ST6GALNAC3: variants seen among roughly 807,000 people sequenced by gnomAD.
ST6GALNAC3 encodes the protein alpha-N-acetylgalactosaminide alpha-2,6-sialyltransferase 3.
In ST6GALNAC3, 25 loss-of-function variants were observed where a neutral mutation model predicts 32.7. The observed-to-expected ratio is 0.76, with a 90% CI of 0.56 to 1.07. ST6GALNAC3 has a LOEUF of 1.07. Among genes scored for constraint, ST6GALNAC3 ranks in the 50% least tolerant of loss-of-function variants. The pLI, the probability that ST6GALNAC3 is intolerant of heterozygous loss-of-function variation, is 0.00. For synonymous variants in ST6GALNAC3, 129 were observed against 133.1 expected (o/e 0.97, Z 0.21); for missense variants, 355 against 382.4 (o/e 0.93, Z 0.60).
intron 1 of ST6GALNAC3, among the ~76,000 whole-genome samples, chr1:76,245,979 G>C (rs115615605): frequency 0.015 from 2,270 of 152,160 alleles, 60 homozygotes; most frequent in African/African-American, 0.053. Flanking sequence ...TTTCTGTGTT[G>C]TTGATCTGTC....
intron 3 of ST6GALNAC3, among the ~76,000 whole-genome samples, chr1:76,464,680 A>T (rs1055665543): frequency 1.3e-5 from 2 of 152,206 alleles, no homozygotes; most frequent in Non-Finnish European, 2.9e-5. Flanking sequence ...GCCTCTGTAT[A>T]TCAGGCATTC....
At chr1:76,478,863 T>C (rs139594051) in intron 3 of ST6GALNAC3, among the ~76,000 whole-genome samples, 3,727 of 148,784 alleles carry the variant, frequency 0.025, 88 homozygotes, top group Admixed American at 0.075. Flanking sequence ...CCTGGGTTCA[T>C]GCCATTCTCC....
At chr1:76,531,964 C>T (rs192981517) in intron 3 of ST6GALNAC3, among the ~76,000 whole-genome samples, 1 of 152,222 alleles carries the variant, frequency 6.6e-6, no homozygotes, top group East Asian at 1.9e-4. Context: ...AGAAACTAGC[C>T]AAACACAGCT....
chr1:76,076,965 C>T (rs1646824775), intron 1 of ST6GALNAC3, among the ~76,000 whole-genome samples: 1 of 148,028 alleles, frequency 6.8e-6, no homozygotes, highest in Non-Finnish European at 1.5e-5. Context: ...TTAAGATGGC[C>T]TAATACCATT....
At chr1:76,386,587 G>A (rs1652112075) in intron 2 of ST6GALNAC3, among the ~76,000 whole-genome samples, 1 of 152,016 alleles carries the variant, frequency 6.6e-6, no homozygotes, top group South Asian at 2.1e-4. Context: ...ACAGGGTAGG[G>A]GCTATTATCT....
intron 1 of ST6GALNAC3, among the ~76,000 whole-genome samples, chr1:76,088,807 A>T (rs1646999566): frequency 6.6e-6 from 1 of 152,230 alleles, no homozygotes; most frequent in Non-Finnish European, 1.5e-5. Flanking sequence ...TCAACAAAAG[A>T]ATGATTAAAT....
intron 3 of ST6GALNAC3, among the ~76,000 whole-genome samples, chr1:76,511,325 C>T (rs1351119746): frequency 6.6e-6 from 1 of 152,190 alleles, no homozygotes. Flanking sequence ...TTCTCTTTTC[C>T]ACCCACTCTC....
At chr1:76,088,143 T>A (rs1146665) in intron 1 of ST6GALNAC3, among the ~76,000 whole-genome samples, 34,622 of 152,100 alleles carry the variant, frequency 0.23, 4,222 homozygotes, top group Middle Eastern at 0.37. Context: ...ATTTTACAGG[T>A]AAGGAAACTG....
chr1:76,125,138 A>C (rs893403507), intron 1 of ST6GALNAC3, among the ~76,000 whole-genome samples: 1 of 152,186 alleles, frequency 6.6e-6, no homozygotes, highest in Admixed American at 6.5e-5. Context: ...CTTGCATTAC[A>C]TGTCTCTGGG....
chr1:76,147,064 C>CTTT (rs35731973), intron 1 of ST6GALNAC3, among the ~76,000 whole-genome samples: 6 of 136,350 alleles, frequency 4.4e-5, no homozygotes, highest in African/African-American at 5.4e-5. Flanking sequence ...CCCCCCACTT[C>CTTT]TTTTTTTTTT....
intron 4 of ST6GALNAC3, among the ~76,000 whole-genome samples, chr1:76,627,848 G>A (rs1245385040): frequency 6.6e-6 from 1 of 151,914 alleles, no homozygotes; most frequent in Non-Finnish European, 1.5e-5. Context: ...AAGTTTAGTG[G>A]TTGTGTAATT....
intron 1 of ST6GALNAC3, among the ~76,000 whole-genome samples, chr1:76,217,359 CATG>C (rs1655524150): frequency 2.0e-5 from 3 of 152,190 alleles, no homozygotes; most frequent in African/African-American, 7.2e-5. Flanking sequence ...GTATTTCTAA[CATG>C]ATGACATAGT....
chr1:76,513,374 T>C (rs1268966862), intron 3 of ST6GALNAC3, among the ~76,000 whole-genome samples: 4 of 152,202 alleles, frequency 2.6e-5, no homozygotes, highest in Non-Finnish European at 5.9e-5. Flanking sequence ...CAGCACTGTT[T>C]ATTTAAAACA....
At chr1:76,102,266 T>C (rs1047521516) in intron 1 of ST6GALNAC3, among the ~76,000 whole-genome samples, 1 of 148,122 alleles carries the variant, frequency 6.8e-6, no homozygotes, top group African/African-American at 2.5e-5. Flanking sequence ...TGTGTGTGTG[T>C]GCCTATTTGA....
chr1:76,548,182 C>T (rs1664411859), intron 3 of ST6GALNAC3, among the ~76,000 whole-genome samples: 1 of 152,196 alleles, frequency 6.6e-6, no homozygotes, highest in Non-Finnish European at 1.5e-5. Context: ...TTCTCTGCCC[C>T]ATTCTTGCTT....
intron 3 of ST6GALNAC3, among the ~76,000 whole-genome samples, chr1:76,609,542 AT>A (rs1435736317): frequency 6.6e-6 from 1 of 152,320 alleles, no homozygotes; most frequent in Non-Finnish European, 1.5e-5. Context: ...CCATAAATTA[AT>A]TTAATATAGG....
At chr1:76,293,388 T>C (rs1660207274) in intron 1 of ST6GALNAC3, among the ~76,000 whole-genome samples, 1 of 152,206 alleles carries the variant, frequency 6.6e-6, no homozygotes, top group Non-Finnish European at 1.5e-5. Context: ...ATCTATCACC[T>C]TATGTGATCT....
chr1:76,340,038 A>G (rs557606416), intron 2 of ST6GALNAC3, among the ~76,000 whole-genome samples: 1 of 152,356 alleles, frequency 6.6e-6, no homozygotes, highest in South Asian at 2.1e-4. Flanking sequence ...TCAAAGAGCA[A>G]GGGAACCAGT....
intron 3 of ST6GALNAC3, among the ~76,000 whole-genome samples, chr1:76,562,976 G>C (rs554558788): frequency 6.6e-6 from 1 of 152,232 alleles, no homozygotes; most frequent in South Asian, 2.1e-4. Context: ...ATTGCTATGT[G>C]GGGCTTTTAC....
Sources: gnomAD v4.1 joint callset for allele counts (sites outside exome capture counted in the v4.1 genomes callset) on GRCh38, gnomAD v4.1.1 for gene constraint, MANE v1.5 for transcripts, NCBI Gene and HGNC (gene_info 2026-07-23, HGNC 2026-07-21) for gene names.